PCAT7: variants seen among roughly 807,000 people sequenced by gnomAD.
PCAT7 encodes prostate cancer associated transcript 7, also known as prostate cancer associated transcript 7 (non-protein coding).
intron 2 of PCAT7, among the ~76,000 whole-genome samples, chr9:94,562,588 TGA>T (rs1409002504): frequency 6.6e-6 from 1 of 152,208 alleles, no homozygotes; most frequent in Non-Finnish European, 1.5e-5. Flanking sequence ...AAGGTGACTC[TGA>T]GAGACAGAAA....
At chr9:94,563,989 C>G (rs891949313) in intron 2 of PCAT7, among the ~76,000 whole-genome samples, 9 of 152,164 alleles carry the variant, frequency 5.9e-5, no homozygotes, top group Non-Finnish European at 1.3e-4. Context: ...ATTCATAAAG[C>G]AAGTCCTTAG....
chr9:94,574,207 A>G (rs1315584827), intron 3 of PCAT7, among the ~76,000 whole-genome samples: 2 of 152,202 alleles, frequency 1.3e-5, no homozygotes, highest in East Asian at 3.8e-4. Flanking sequence ...CAATAATTAA[A>G]TAATTGGGTA....
intron 2 of PCAT7, chr9:94,563,470 C>T (rs749106976): frequency 6.2e-7 from 1 of 1,611,828 alleles, no homozygotes. Flanking sequence ...TCCTAGAAGA[C>T]AGAAAGCGAA....
chr9:94,563,332 G>A, intron 2 of PCAT7: 1 of 1,613,502 alleles, frequency 6.2e-7, no homozygotes, highest in Non-Finnish European at 8.5e-7. Context: ...AGTGGACAAG[G>A]GAGAATTACC....
At chr9:94,565,524 TAAAATC>T (rs1827173069) in intron 2 of PCAT7, among the ~76,000 whole-genome samples, 1 of 152,146 alleles carries the variant, frequency 6.6e-6, no homozygotes, top group African/African-American at 2.4e-5. Flanking sequence ...CATTAAGTCA[TAAAATC>T]AAAACATTTA....
rs151044093 is a variant in PCAT7 at position 94,564,754 on chromosome 9, C to T, written n.441+5602C>T. ...GAGACAAACAATCTATACAGCAAAC[C>T]CCCATGACAGGAGTTTACTTATATA... On this transcript the variant is annotated intron_variant and non_coding_transcript_variant, in intron 2 of 8. Coordinates refer to ENST00000647389, the Ensembl canonical transcript of PCAT7. 3.0e-3 allele frequency among the ~76,000 whole-genome samples: 462 copies of T among 152,158 alleles called. 2 individuals carry two copies. The highest frequency in any genetic ancestry group is 6.9e-3 in the Admixed American group (106 of 15,288).
intron 2 of PCAT7, among the ~76,000 whole-genome samples, chr9:94,563,876 G>A (rs992980171): frequency 6.6e-6 from 1 of 152,076 alleles, no homozygotes; most frequent in East Asian, 1.9e-4. Flanking sequence ...AACCAATAAA[G>A]TTCAAAAAAG....
intron 2 of PCAT7, chr9:94,563,494 G>C (rs1270999988): frequency 1.9e-6 from 3 of 1,603,678 alleles, no homozygotes; most frequent in African/African-American, 1.3e-5. Flanking sequence ...ACAAGATCCA[G>C]TGGCTTTCAG....
At chr9:94,555,801 G>C (rs898954892) in intron 1 of PCAT7, among the ~76,000 whole-genome samples, 1 of 151,854 alleles carries the variant, frequency 6.6e-6, no homozygotes, top group Non-Finnish European at 1.5e-5. Context: ...GTAGATGGAG[G>C]AGGGAAAGAG....
chr9:94,571,992 A>G (rs3864790), intron 2 of PCAT7, among the ~76,000 whole-genome samples: 12,005 of 152,146 alleles, frequency 0.079, 1,570 homozygotes, highest in African/African-American at 0.27. Flanking sequence ...TGGGGCAGAT[A>G]GCACCATCAC....
chr9:94,562,403 C>T (rs1272307948), intron 2 of PCAT7, among the ~76,000 whole-genome samples: 1 of 151,780 alleles, frequency 6.6e-6, no homozygotes, highest in Non-Finnish European at 1.5e-5. Context: ...CCTTCAGCAC[C>T]ACTTCTGCAG....
At chr9:94,562,645 TATTTG>T (rs1232133707) in intron 2 of PCAT7, among the ~76,000 whole-genome samples, 2 of 152,172 alleles carry the variant, frequency 1.3e-5, no homozygotes, top group Admixed American at 6.5e-5. Context: ...CAGAGGCCTT[TATTTG>T]ATTTGACTAC....
chr9:94,563,122 G>A (rs779501655), intron 2 of PCAT7, among the ~76,000 whole-genome samples: 1 of 152,196 alleles, frequency 6.6e-6, no homozygotes, highest in Non-Finnish European at 1.5e-5. Context: ...TAAGACCAGT[G>A]AGAATCACCA....
At position 94,555,250 on chromosome 9, in the gene PCAT7, T is replaced by A. The variant is rs1438483843; in HGVS notation, n.197T>A. 2.0e-5 allele frequency: 3 copies of A among 152,060 alleles called. No homozygotes were observed. The South Asian group carries it at 6.2e-4, about 32-fold the overall frequency. 9.4% of individuals were successfully genotyped at this position (152,060 alleles called of 1,614,324 possible). On this transcript the variant is annotated non_coding_transcript_exon_variant, in exon 1 of 9. Coordinates refer to ENST00000647389, the Ensembl canonical transcript of PCAT7. Reference sequence around the variant, plus strand: ...GCTGGAGGCTTGAGCCGCGGCACCGTGGCGCGGCTCGCCTCGCTGCGGTTG... The same window carrying A: ...GCTGGAGGCTTGAGCCGCGGCACCGAGGCGCGGCTCGCCTCGCTGCGGTTG...
At chr9:94,565,144 C>A (rs1045013864) in intron 2 of PCAT7, among the ~76,000 whole-genome samples, 5 of 152,130 alleles carry the variant, frequency 3.3e-5, no homozygotes, top group Admixed American at 6.6e-5. Context: ...GAGGCCAAGG[C>A]AGGTGGATCA....
chr9:94,571,223 A>C (rs1488697064), intron 2 of PCAT7, among the ~76,000 whole-genome samples: 1 of 152,160 alleles, frequency 6.6e-6, no homozygotes, highest in Non-Finnish European at 1.5e-5. Flanking sequence ...CCTTAAGGAG[A>C]GGGCCTGAGT....
chr9:94,574,049 G>T (rs1289285279), intron 3 of PCAT7, among the ~76,000 whole-genome samples: 2 of 152,064 alleles, frequency 1.3e-5, no homozygotes, highest in Non-Finnish European at 2.9e-5. Context: ...TTGAGACATT[G>T]GTTCGTTTCA....
chr9:94,574,552 T>C (rs1346320190), intron 3 of PCAT7, among the ~76,000 whole-genome samples: 1 of 152,200 alleles, frequency 6.6e-6, no homozygotes, highest in African/African-American at 2.4e-5. Context: ...TATTAATGTC[T>C]TGTATATGTC....
chr9:94,574,043 G>A (rs766520375), intron 3 of PCAT7, among the ~76,000 whole-genome samples: 1 of 152,122 alleles, frequency 6.6e-6, no homozygotes, highest in Non-Finnish European at 1.5e-5. Context: ...TAGTTTTTGA[G>A]ACATTGGTTC....
Sources: gnomAD v4.1 joint callset for allele counts (sites outside exome capture counted in the v4.1 genomes callset) on GRCh38, gnomAD v4.1.1 for gene constraint, MANE v1.5 for transcripts, NCBI Gene and HGNC (gene_info 2026-07-23, HGNC 2026-07-21) for gene names.